The following DNAH7 variants were observed in gnomAD, a reference collection of about 807,000 sequenced individuals.
DNAH7 encodes the protein axonemal beta dynein heavy chain 7.
A neutral mutation model predicts 444.6 loss-of-function variants in DNAH7; 397 were observed. That is an observed-to-expected ratio of 0.89 (90% CI 0.82 to 0.97). The LOEUF (loss-of-function observed/expected upper bound fraction) is 0.97, where lower values mean the gene tolerates loss of function less well. Among genes scored for constraint, DNAH7 ranks in the 50% least tolerant of loss-of-function variants. The pLI is 0.00. For synonymous variants in DNAH7, 1,636 were observed against 1,624.4 expected (o/e 1.01, Z -0.17); for missense variants, 4,902 against 4,800.8 (o/e 1.02, Z -0.62).
chr2:195,881,651 AAT>A, intron 36 of DNAH7, 142 bp downstream of exon 36: 1 of 770,302 alleles, frequency 1.3e-6, no homozygotes, highest in East Asian at 2.8e-5. Flanking sequence ...AACAAAAAAA[AAT>A]AAGTGGCAAT....
At chr2:195,817,573 C>T (rs1434435950) in intron 50 of DNAH7, 123 bp downstream of exon 50, 2 of 1,024,816 alleles carry the variant, frequency 2.0e-6, no homozygotes, top group African/African-American at 1.6e-5. Context: ...TTACATTTTC[C>T]TGTTATATTT....
intron 17 of DNAH7, among the ~76,000 whole-genome samples, chr2:195,966,954 AT>A: frequency 1.3e-5 from 2 of 151,778 alleles, no homozygotes; most frequent in African/African-American, 2.4e-5. Flanking sequence ...TTTACATTCA[AT>A]ATTATTATTG....
At position 196,048,504 on chromosome 2, in the gene DNAH7, C is replaced by T. The variant is rs1031922011; in HGVS notation, c.142-100G>A. The T allele has an allele frequency of 7.8e-6, 7 of 896,940 alleles. 1 individual carries two copies. The African/African-American group carries it at 8.3e-5, about 11-fold the overall frequency. 55.6% of individuals were successfully genotyped at this position (896,940 alleles called of 1,614,324 possible). Reference sequence around the variant, plus strand: ...TTATAAACACAGACATTTTCTCAAACAGATCAGAACATCTGGATAGAAAAT... The same window carrying T: ...TTATAAACACAGACATTTTCTCAAATAGATCAGAACATCTGGATAGAAAAT... On this transcript the variant is annotated intron_variant, in intron 3 of 64. Transcript: ENST00000312428.
chr2:195,853,032 A>T (rs969434030), intron 46 of DNAH7, among the ~76,000 whole-genome samples: 13 of 151,988 alleles, frequency 8.6e-5, no homozygotes, highest in African/African-American at 3.1e-4. Context: ...TTACTTTTTA[A>T]AAAAAATTTT....
intron 63 of DNAH7, among the ~76,000 whole-genome samples, chr2:195,744,121 G>A (rs1693224244): frequency 6.6e-6 from 1 of 152,234 alleles, no homozygotes; most frequent in African/African-American, 2.4e-5. Context: ...AAAGAAAGGG[G>A]TGACAGACAC....
intron 58 of DNAH7, among the ~76,000 whole-genome samples, chr2:195,781,752 A>G (rs16839904): frequency 0.014 from 2,087 of 151,426 alleles, 50 homozygotes; most frequent in African/African-American, 0.047. Context: ...ATCTCTATCT[A>G]CTTTGAAAGT....
chr2:195,866,471 A>G (rs1443352461), intron 40 of DNAH7, among the ~76,000 whole-genome samples: 1 of 152,248 alleles, frequency 6.6e-6, no homozygotes, highest in African/African-American at 2.4e-5. Flanking sequence ...GCCAATGGCC[A>G]ATCTTTGAAT....
rs371618970 is a variant in DNAH7 at position 195,853,372 on chromosome 2, G to C, written c.8752C>G (p.Leu2918Val). The C allele has an allele frequency of 1.4e-5, 23 of 1,614,026 alleles. No homozygotes were observed. The highest frequency in any genetic ancestry group is 1.1e-4 in the African/African-American group (8 of 75,014). Residue 2918 changes from leucine to valine, a missense_variant, in exon 46 of 65, where the codon CTC (leucine) becomes GTC (valine). By Grantham distance (32) the Leu-to-Val change is conservative (BLOSUM62 1). Transcript: ENST00000312428. ...CTATAGGTGGATGTGAAGGCTCCGA[G>C]GTAAGCAACCACTCCGGAGGAAATG... ...ILISSGVVAYLGAFTSTYRQN... is the reference protein window; with the variant it reads ...ILISSGVVAYVGAFTSTYRQN...
intron 60 of DNAH7, among the ~76,000 whole-genome samples, chr2:195,772,881 A>G (rs1343895157): frequency 6.6e-6 from 1 of 151,554 alleles, no homozygotes; most frequent in Non-Finnish European, 1.5e-5. Flanking sequence ...CCCGGGTTCA[A>G]GCACTTCTCC....
In DNAH7 at chr2:195,984,681, T is replaced by A. The variant is rs767240189; in HGVS notation, c.1784A>T (p.Glu595Val). 1.2e-6 allele frequency: 2 copies of A among 1,614,016 alleles called. No homozygotes were observed. The highest frequency in any genetic ancestry group is 8.5e-7 in the Non-Finnish European group (1 of 1,179,962). Residue 595 changes from glutamate to valine, a missense_variant, in exon 15 of 65, where the codon GAA (glutamate) becomes GTA (valine). Transcript: ENST00000312428. ...ATTTGGAGGAGTGCTAAGAGCTTTT[T>A]CAGCTATCCTCTCAAATTCATCGCA... ...RLCDEFERIA[E>V]KALSTPPNTA... is the part of the protein sequence containing the mutation.
intron 10 of DNAH7, among the ~76,000 whole-genome samples, chr2:196,003,525 G>A (rs1024860882): frequency 6.6e-6 from 1 of 152,116 alleles, no homozygotes; most frequent in Non-Finnish European, 1.5e-5. Flanking sequence ...AGGAAAAGAG[G>A]CACATACATA....
intron 63 of DNAH7, among the ~76,000 whole-genome samples, chr2:195,744,045 C>T (rs565433002): frequency 7.9e-5 from 12 of 152,326 alleles, no homozygotes; most frequent in African/African-American, 2.4e-4. Context: ...ATGCGCCACC[C>T]GAAGCAGGGC....
intron 41 of DNAH7, 92 bp from the exon 42 acceptor site, chr2:195,862,038 G>T: frequency 1.0e-6 from 1 of 957,916 alleles, no homozygotes; most frequent in Non-Finnish European, 1.6e-6. Context: ...GGATGTTGGG[G>T]GTGAAGGGGA....
At position 195,889,035 on chromosome 2, in the gene DNAH7, G is replaced by T. The variant is rs761501105; in HGVS notation, c.5047-54C>A. On this transcript the variant is annotated intron_variant, in intron 31 of 64. Coordinates refer to ENST00000312428, the MANE Select transcript of DNAH7 (RefSeq NM_018897.3). ...AAAAACGTAATGATGATAATATAAAGAAACAGTTCAATAATATTATTTCAA... is the reference window on the plus strand; with the variant it reads ...AAAAACGTAATGATGATAATATAAATAAACAGTTCAATAATATTATTTCAA... The T allele has an allele frequency of 1.8e-4, 265 of 1,464,760 alleles. 1 individual carries two copies. The highest frequency in any genetic ancestry group is 2.2e-4 in the Non-Finnish European group (241 of 1,073,686). The allele number at this position is 1,464,760 out of a possible 1,614,324, so 90.7% of individuals were successfully genotyped here. A position where few individuals can be genotyped will look rare whatever the true frequency, so the allele number is the denominator to read the frequency against.
Position 196,000,564 on chromosome 2 carries a change from A to C in DNAH7, c.1353+140T>G, listed in dbSNP as rs1011125003. 30 of 702,748 alleles carry C rather than the reference A, an allele frequency of 4.3e-5. No individual in the cohort carries two copies. In the Middle Eastern group the frequency reaches 1.2e-3, roughly 28 times the overall value. 43.5% of individuals were successfully genotyped at this position (702,748 alleles called of 1,614,324 possible). On this transcript the variant is annotated intron_variant, in intron 12 of 64. Transcript: ENST00000312428. Reference sequence around the variant, plus strand: ...TTTGAGAGGCCATTTGGAAAATGGTAGTTTTTTAGGAAAACTTTCTTATAA... The same window carrying C: ...TTTGAGAGGCCATTTGGAAAATGGTCGTTTTTTAGGAAAACTTTCTTATAA...
chr2:195,738,536 T>C (rs1000444853), intron 64 of DNAH7, among the ~76,000 whole-genome samples: 2 of 152,158 alleles, frequency 1.3e-5, no homozygotes, highest in Non-Finnish European at 2.9e-5. Context: ...TCAACAGCTG[T>C]ATAGCTAGAG....
intron 17 of DNAH7, among the ~76,000 whole-genome samples, chr2:195,962,813 A>G (rs1327635342): frequency 1.3e-5 from 2 of 152,184 alleles, no homozygotes; most frequent in African/African-American, 2.4e-5. Flanking sequence ...CTGTATCTCC[A>G]TGAGTTCAAT....
At chr2:195,992,837 G>A (rs1693437233) in intron 12 of DNAH7, among the ~76,000 whole-genome samples, 1 of 152,214 alleles carries the variant, frequency 6.6e-6, no homozygotes, top group Non-Finnish European at 1.5e-5. Flanking sequence ...AGTAAAGCGG[G>A]AAATGCCCTG....
rs1320567650 is a variant in DNAH7 at position 195,990,905 on chromosome 2, ATACT to A, written c.1354-2680_1354-2677del. Among the ~76,000 whole-genome samples the A allele has an allele frequency of 7.8e-5, 11 of 140,844 alleles. No homozygotes were observed. In the South Asian group the frequency reaches 9.0e-4, roughly 11 times the overall value. 92.4% of individuals were successfully genotyped at this position (140,844 alleles called of 152,430 possible). ...TACATATATACTTATATACATATAT[ATACT>A]TAAATATATATACATATATATACTT... On this transcript the variant is annotated intron_variant, in intron 12 of 64. Coordinates refer to ENST00000312428, the MANE Select transcript of DNAH7 (RefSeq NM_018897.3).
Sources: gnomAD v4.1 joint callset for allele counts (sites outside exome capture counted in the v4.1 genomes callset) on GRCh38, gnomAD v4.1.1 for gene constraint, MANE v1.5 for transcripts, NCBI Gene and HGNC (gene_info 2026-07-23, HGNC 2026-07-21) for gene names.